The following ST6GALNAC3 variants were observed in gnomAD, a reference collection of about 807,000 sequenced individuals.
ST6GALNAC3 encodes ST6 N-acetylgalactosaminide alpha-2,6-sialyltransferase 3, also known as alpha-N-acetylgalactosaminide alpha-2,6-sialyltransferase 3.
Under a neutral mutation model 32.7 loss-of-function variants are expected in ST6GALNAC3, and 25 were observed. That is an observed-to-expected ratio of 0.76 (90% CI 0.56 to 1.07). The LOEUF (loss-of-function observed/expected upper bound fraction) is 1.07. Among genes scored for constraint, ST6GALNAC3 ranks in the 50% least tolerant of loss-of-function variants. The pLI is 0.00. For missense variants in ST6GALNAC3, 355 were observed against 382.4 expected (o/e 0.93, Z 0.60); for synonymous variants, 129 against 133.1 (o/e 0.97, Z 0.21).
intron 1 of ST6GALNAC3, among the ~76,000 whole-genome samples, chr1:76,258,376 T>C (rs1248344783): frequency 2.6e-5 from 4 of 152,200 alleles, no homozygotes; most frequent in Non-Finnish European, 5.9e-5. Context: ...AGGCCAAATA[T>C]CTTCATCAAA....
chr1:76,249,616 T>C (rs1049100470), intron 1 of ST6GALNAC3, among the ~76,000 whole-genome samples: 3 of 152,206 alleles, frequency 2.0e-5, no homozygotes, highest in Non-Finnish European at 2.9e-5. Context: ...GTGTCTTTAA[T>C]TCTCTTGGGT....
Position 76,399,853 on chromosome 1 carries a change from ATCTTT to A in ST6GALNAC3, c.214-12150_214-12146del, listed in dbSNP as rs538048873. Among the ~76,000 whole-genome samples, 241 of 152,256 alleles carry A rather than the reference ATCTTT, an allele frequency of 1.6e-3. 1 individual carries two copies. The highest frequency in any genetic ancestry group is 5.7e-3 in the African/African-American group (235 of 41,570). ...ATATTTTGAGGCAGTAATGAATGGC[ATCTTT>A]TCTTAAATTTTTAGCTATATTGAAA... On this transcript the variant is annotated intron_variant, in intron 2 of 4. Coordinates refer to ENST00000328299, the MANE Select transcript of ST6GALNAC3 (RefSeq NM_152996.4).
rs561069221 is a variant in ST6GALNAC3, at chr1:76,456,408, G to A, written c.623+43991G>A. ...GTTGCCCAAGTTGGAGTGCAGTGGT[G>A]CAATCTCGGCTCATTGTGGCCTCCG... On this transcript the variant is annotated intron_variant, in intron 3 of 4. Transcript: ENST00000328299. Among the ~76,000 whole-genome samples the A allele has an allele frequency of 1.4e-4, 21 of 152,070 alleles. 1 individual carries two copies. The South Asian group carries it at 4.1e-3, about 30-fold the overall frequency.
intron 3 of ST6GALNAC3, among the ~76,000 whole-genome samples, chr1:76,431,091 C>A (rs898313628): frequency 6.6e-6 from 1 of 152,064 alleles, no homozygotes; most frequent in African/African-American, 2.4e-5. Context: ...CCTGGCAGCC[C>A]CCTCCTCTTG....
At chr1:76,486,539 A>T (rs1660127554) in intron 3 of ST6GALNAC3, among the ~76,000 whole-genome samples, 1 of 152,160 alleles carries the variant, frequency 6.6e-6, no homozygotes, top group Non-Finnish European at 1.5e-5. Flanking sequence ...AGAGACTAAG[A>T]TTGCAACCCT....
rs1440756497 is a variant in ST6GALNAC3, at chr1:76,628,791, C to T, written c.903C>T (p.Asn301=). The T allele has an allele frequency of 1.2e-6, 2 of 1,611,284 alleles. No individual in the cohort carries two copies. Among genetic ancestry groups the T allele is most frequent in the Admixed American group, 3.4e-5 (2 of 59,666 alleles). The part of the protein sequence containing the change: ...KKHRIIFTHP[N]WTLS ...ACAGGATAATATTTACACATCCAAACTGGACATTGTCTTGATAATGGTTTT... is the reference window on the plus strand; with the variant it reads ...ACAGGATAATATTTACACATCCAAATTGGACATTGTCTTGATAATGGTTTT... The change falls in exon 5 of 5, where the codon AAC becomes AAT. Residue 301 remains asparagine (N), a synonymous_variant. Transcript: ENST00000328299.
intron 1 of ST6GALNAC3, among the ~76,000 whole-genome samples, chr1:76,199,015 G>A (rs1480133665): frequency 1.3e-5 from 2 of 151,348 alleles, no homozygotes; most frequent in Admixed American, 6.6e-5. Context: ...GGAAATCTAG[G>A]ATGTGGCAGT....
intron 3 of ST6GALNAC3, among the ~76,000 whole-genome samples, chr1:76,486,720 T>C (rs987862570): frequency 2.0e-5 from 3 of 152,200 alleles, no homozygotes; most frequent in Admixed American, 6.5e-5. Context: ...ATTTAGCCCA[T>C]TTACATTTAA....
chr1:76,421,519 T>C (rs1655026816), intron 3 of ST6GALNAC3, among the ~76,000 whole-genome samples: 1 of 152,030 alleles, frequency 6.6e-6, no homozygotes, highest in South Asian at 2.1e-4. Context: ...AGTTATACTC[T>C]TGGGCTTCAG....
At chr1:76,323,153 T>C (rs1284364465) in intron 2 of ST6GALNAC3, among the ~76,000 whole-genome samples, 1 of 152,230 alleles carries the variant, frequency 6.6e-6, no homozygotes, top group Non-Finnish European at 1.5e-5. Flanking sequence ...CAAATGATTT[T>C]AGATAAGGGA....
intron 3 of ST6GALNAC3, among the ~76,000 whole-genome samples, chr1:76,438,372 C>A (rs1656314863): frequency 6.6e-6 from 1 of 152,134 alleles, no homozygotes; most frequent in South Asian, 2.1e-4. Flanking sequence ...ATCTCCTGAC[C>A]TTGTGATCCA....
chr1:76,405,764 C>T (rs1653784406), intron 2 of ST6GALNAC3, among the ~76,000 whole-genome samples: 1 of 151,900 alleles, frequency 6.6e-6, no homozygotes, highest in Non-Finnish European at 1.5e-5. Flanking sequence ...GGCCATTTCT[C>T]TCTCTCCCTC....
At chr1:76,399,140 C>T (rs1653212494) in intron 2 of ST6GALNAC3, among the ~76,000 whole-genome samples, 2 of 152,082 alleles carry the variant, frequency 1.3e-5, no homozygotes. Flanking sequence ...TGTGTTCTCC[C>T]TCTCCATAGC....
At chr1:76,308,704 G>A (rs760839050) in intron 1 of ST6GALNAC3, among the ~76,000 whole-genome samples, 6 of 152,026 alleles carry the variant, frequency 3.9e-5, no homozygotes, top group Non-Finnish European at 7.4e-5. Context: ...ACGGCATTGT[G>A]GTGTCTTAAA....
At position 76,296,317 on chromosome 1, in the gene ST6GALNAC3, G is replaced by C. The variant is rs12405655; in HGVS notation, c.19-17488G>C. Among the ~76,000 whole-genome samples the C allele has an allele frequency of 7.5e-3, 1,136 of 152,212 alleles. 34 individuals carry two copies. Among genetic ancestry groups the C allele is most frequent in the Admixed American group, 0.063 (956 of 15,284 alleles). On this transcript the variant is annotated intron_variant, in intron 1 of 4. Coordinates refer to ENST00000328299, the MANE Select transcript of ST6GALNAC3 (RefSeq NM_152996.4). Reference sequence around the variant, plus strand: ...ACATTTTTGTGCAATGAAATGGTTTGAGTACTGTAGCTCTGAGTTCTTTCG... The same window carrying C: ...ACATTTTTGTGCAATGAAATGGTTTCAGTACTGTAGCTCTGAGTTCTTTCG...
intron 3 of ST6GALNAC3, among the ~76,000 whole-genome samples, chr1:76,522,371 A>C (rs1662599883): frequency 6.6e-6 from 1 of 151,988 alleles, no homozygotes; most frequent in African/African-American, 2.4e-5. Context: ...TTATCTCTTC[A>C]AATATAGTTT....
chr1:76,575,536 T>A (rs565140655), intron 3 of ST6GALNAC3, among the ~76,000 whole-genome samples: 1 of 152,006 alleles, frequency 6.6e-6, no homozygotes, highest in Non-Finnish European at 1.5e-5. Context: ...GGAAGGTGAT[T>A]TGATGGTAAC....
At position 76,290,280 on chromosome 1, in the gene ST6GALNAC3, A is replaced by G. The variant is rs553798247; in HGVS notation, c.19-23525A>G. Among the ~76,000 whole-genome samples the G allele has an allele frequency of 5.1e-3, 773 of 152,316 alleles. 7 individuals carry two copies. Among genetic ancestry groups the G allele is most frequent in the South Asian group, 0.035 (170 of 4,818 alleles). On this transcript the variant is annotated intron_variant, in intron 1 of 4. Coordinates refer to ENST00000328299, the MANE Select transcript of ST6GALNAC3 (RefSeq NM_152996.4). ...TTTAAAAAGTACACTATTGCTGTGT[A>G]GATCCTTTAACACTAAGGATATCAA...
chr1:76,290,500 C>T (rs1032218924), intron 1 of ST6GALNAC3, among the ~76,000 whole-genome samples: 2 of 151,916 alleles, frequency 1.3e-5, no homozygotes, highest in African/African-American at 4.8e-5. Flanking sequence ...TTTTTTTAAC[C>T]ACAGCTACGA....
Sources: allele counts gnomAD v4.1 joint callset (sites outside exome capture counted in the v4.1 genomes callset), GRCh38; gene constraint gnomAD v4.1.1; transcripts MANE v1.5; gene names NCBI Gene and HGNC (gene_info 2026-07-23, HGNC 2026-07-21).